ODAD2: variants seen among roughly 807,000 people sequenced by gnomAD.
The protein encoded by ODAD2 is outer dynein arm-docking complex subunit 2.
ODAD2 carries 89 observed loss-of-function variants against 106.8 expected under a neutral mutation model. The observed-to-expected ratio is 0.83, with a 90% CI of 0.70 to 0.99. ODAD2 has a LOEUF of 0.99. Ranked by LOEUF, ODAD2 falls within the 50% of genes least tolerant of loss-of-function variation. The pLI, the probability that ODAD2 is intolerant of heterozygous loss-of-function variation, is 0.00. For missense variants in ODAD2, 1,168 were observed against 1,238.5 expected (o/e 0.94, Z 0.85); for synonymous variants, 404 against 436.2 (o/e 0.93, Z 0.92).
chr10:27,939,292 T>C (rs1246478457), intron 14 of ODAD2, among the ~76,000 whole-genome samples: 3 of 152,200 alleles, frequency 2.0e-5, no homozygotes, highest in Non-Finnish European at 2.9e-5. Context: ...GAGACAAAGA[T>C]GCATAAGTGT....
Position 27,824,501 on chromosome 10 carries a change from C to A in ODAD2, c.3022-11876G>T, listed in dbSNP as rs1444852606. Among the ~76,000 whole-genome samples the A allele has an allele frequency of 2.0e-5, 3 of 152,204 alleles. No homozygotes were observed. The East Asian group carries it at 5.8e-4, about 29-fold the overall frequency. On this transcript the variant is annotated intron_variant, in intron 19 of 19. Transcript: ENST00000305242. ...ACCCTTGACAGATGCTGGTGCCATG[C>A]TCTTGAACTTCCCAGCCTCTAGAAC...
chr10:27,985,039 ATGAT>A lies in ODAD2; in HGVS notation c.551_554del (p.Asn184IlefsTer3). 2 of 1,608,264 alleles carry A rather than the reference ATGAT, an allele frequency of 1.2e-6. No homozygotes were observed. Among genetic ancestry groups the A allele is most frequent in the Non-Finnish European group, 1.7e-6 (2 of 1,178,078 alleles). On this transcript the variant is annotated frameshift_variant, in exon 4 of 20. Transcript: ENST00000305242. LOFTEE classifies it high-confidence loss of function. ...CTCACAATGAAATATGTTTTAGAGA[ATGAT>A]TGAGGAGGTGCAGATCCAATTGCTT...
chr10:27,883,803 TA>T (rs891220874), intron 17 of ODAD2, among the ~76,000 whole-genome samples: 1 of 152,086 alleles, frequency 6.6e-6, no homozygotes, highest in Admixed American at 6.6e-5. Context: ...TAGATGGGCT[TA>T]ACAGCAGATT....
At chr10:27,941,829 A>G (rs764269594) in intron 12 of ODAD2, among the ~76,000 whole-genome samples, 22 of 152,184 alleles carry the variant, frequency 1.4e-4, no homozygotes, top group African/African-American at 3.9e-4. Context: ...CTGAAGGTCA[A>G]CTTCCACAGA....
chr10:27,955,707 GT>G (rs1847678890), intron 10 of ODAD2, among the ~76,000 whole-genome samples: 1 of 58,656 alleles, frequency 1.7e-5, no homozygotes, highest in Non-Finnish European at 5.1e-5. Flanking sequence ...GTGTGTGTGT[GT>G]GTGTGTGTGT....
chr10:27,984,261 T>C lies in ODAD2; in HGVS notation c.605A>G (p.Lys202Arg), dbSNP rs754888898. ...ACGTTTGAGCAGTTCTATATCCTTC[T>C]TCACCGTCATGGGACTTAAACTTAT... ...LEISLSPMTV[K>R]KDIELLKRFS... Residue 202 changes from lysine (K) to arginine (R), a missense_variant, in exon 5 of 20, where the codon AAG becomes AGG. By Grantham distance (26) the Lys-to-Arg change is conservative. Coordinates refer to ENST00000305242, the MANE Select transcript of ODAD2 (RefSeq NM_018076.5). The C allele has an allele frequency of 2.5e-6, 4 of 1,613,316 alleles. No individual in the cohort carries two copies. The highest frequency in any genetic ancestry group is 3.4e-6 in the Non-Finnish European group (4 of 1,179,336).
intron 17 of ODAD2, among the ~76,000 whole-genome samples, chr10:27,903,416 T>A (rs976597517): frequency 6.6e-6 from 1 of 152,168 alleles, no homozygotes; most frequent in Non-Finnish European, 1.5e-5. Flanking sequence ...CTCTCACCAC[T>A]GCTATTCAAT....
chr10:27,868,872 A>G (rs1840649450), intron 17 of ODAD2, among the ~76,000 whole-genome samples: 1 of 151,856 alleles, frequency 6.6e-6, no homozygotes. Context: ...AATAAAATAA[A>G]ATTTTCCTGT....
chr10:27,935,151 T>C lies in ODAD2; in HGVS notation c.2354A>G (p.Gln785Arg), dbSNP rs763471776. 1 of 1,614,066 alleles carries C rather than the reference T, an allele frequency of 6.2e-7. No homozygotes were observed. Among genetic ancestry groups the C allele is most frequent in the South Asian group, 1.1e-5 (1 of 91,088 alleles). ...GACAATGACTCGGTTTTCACGTTCT[T>C]GGCAGCATTCTCCCAAGGCCCCAAC... ...NVVGALGECC[Q>R]ERENRVIVRK... The change falls in exon 16 of 20, where the codon CAA becomes CGA. Residue 785 changes from glutamine to arginine, a missense_variant. By Grantham distance (43) the Gln-to-Arg change is conservative. Coordinates refer to ENST00000305242, the MANE Select transcript of ODAD2 (RefSeq NM_018076.5).
intron 17 of ODAD2, among the ~76,000 whole-genome samples, chr10:27,871,867 C>G (rs917870890): frequency 6.6e-6 from 1 of 151,940 alleles, no homozygotes; most frequent in East Asian, 1.9e-4. Context: ...ATGAACTTTA[C>G]AGTAGTTTTT....
chr10:27,863,497 C>A (rs143177541), intron 17 of ODAD2, among the ~76,000 whole-genome samples: 234 of 152,232 alleles, frequency 1.5e-3, no homozygotes, highest in African/African-American at 5.0e-3. Flanking sequence ...TAGGGGGTTA[C>A]AAGTAAATTT....
chr10:27,840,584 C>A (rs898083979), intron 19 of ODAD2, among the ~76,000 whole-genome samples: 27 of 152,148 alleles, frequency 1.8e-4, no homozygotes, highest in Non-Finnish European at 8.8e-5. Flanking sequence ...GATTTTTGAA[C>A]TGAAAATGGG....
intron 19 of ODAD2, among the ~76,000 whole-genome samples, chr10:27,832,307 A>C (rs1837536507): frequency 1.3e-5 from 2 of 152,222 alleles, no homozygotes; most frequent in Admixed American, 1.3e-4. Context: ...TGTTTCTCAC[A>C]CCTTACTTGT....
chr10:27,890,014 T>C (rs1407446078), intron 17 of ODAD2, among the ~76,000 whole-genome samples: 1 of 152,132 alleles, frequency 6.6e-6, no homozygotes, highest in African/African-American at 2.4e-5. Context: ...AATATATCCA[T>C]GGAACAAAAC....
At chr10:27,990,572 A>C (rs1850167090) in intron 2 of ODAD2, among the ~76,000 whole-genome samples, 1 of 152,268 alleles carries the variant, frequency 6.6e-6, no homozygotes, top group Non-Finnish European at 1.5e-5. Context: ...GGGACAAAAA[A>C]TAAATAGCTC....
At chr10:27,915,994 C>T (rs1844343604) in intron 16 of ODAD2, among the ~76,000 whole-genome samples, 2 of 152,132 alleles carry the variant, frequency 1.3e-5, no homozygotes, top group Non-Finnish European at 2.9e-5. Flanking sequence ...AAGAGAGAAT[C>T]TCTCTAAGTG....
intron 9 of ODAD2, among the ~76,000 whole-genome samples, chr10:27,966,496 C>T (rs773533635): frequency 2.6e-5 from 4 of 152,112 alleles, no homozygotes; most frequent in Non-Finnish European, 4.4e-5. Context: ...ATTGATGAAT[C>T]CTTTGATAGC....
rs542837753 is a variant in ODAD2 at position 27,911,790 on chromosome 10, G to C, written c.2496-4013C>G. ...CCACATTACTTTGCCTTGTAGTCTT[G>C]TGTTGTGTGCTTCTTATCTCCCCAA... On this transcript the variant is annotated intron_variant, in intron 16 of 19. Coordinates refer to ENST00000305242, the MANE Select transcript of ODAD2 (RefSeq NM_018076.5). Among the ~76,000 whole-genome samples the C allele has an allele frequency of 6.6e-5, 10 of 152,042 alleles. No homozygotes were observed. The East Asian group carries it at 1.9e-3, about 29-fold the overall frequency.
chr10:27,833,322 C>T (rs187330480), intron 19 of ODAD2, among the ~76,000 whole-genome samples: 3 of 152,046 alleles, frequency 2.0e-5, no homozygotes, highest in East Asian at 1.9e-4. Flanking sequence ...CGGCAATAGT[C>T]GTACTTCGCA....
Sources: allele counts gnomAD v4.1 joint callset (sites outside exome capture counted in the v4.1 genomes callset), GRCh38; gene constraint gnomAD v4.1.1; transcripts MANE v1.5; gene names NCBI Gene and HGNC (gene_info 2026-07-23, HGNC 2026-07-21).